ENO1: variants seen among roughly 807,000 people sequenced by gnomAD.
ENO1 encodes enolase 1.
In ENO1, 33 loss-of-function variants were observed where a neutral mutation model predicts 46.3. The ratio of observed to expected loss-of-function variants is 0.71; its 90% CI spans 0.54 to 0.95. ENO1 has a LOEUF of 0.95. ENO1 is among the 40% of genes least tolerant of loss of function. ENO1 has a pLI of 0.00. For synonymous variants in ENO1, 220 were observed against 216.0 expected (o/e 1.02, Z -0.16); for missense variants, 488 against 553.3 (o/e 0.88, Z 1.18).
intron 11 of ENO1, among the ~76,000 whole-genome samples, chr1:8,861,944 G>A (rs1642414465): frequency 6.8e-6 from 1 of 146,880 alleles, no homozygotes; most frequent in Non-Finnish European, 1.5e-5. Flanking sequence ...AGGATCACCC[G>A]AGGTCAGCTT....
intron 4 of ENO1, among the ~76,000 whole-genome samples, chr1:8,868,355 C>A (rs1430241475): frequency 2.0e-5 from 3 of 152,132 alleles, no homozygotes; most frequent in Non-Finnish European, 4.4e-5. Context: ...TGACTTTACA[C>A]CCAAGAGAAC....
chr1:8,867,266 A>G lies in ENO1; in HGVS notation c.311-16T>C, dbSNP rs1240452189. On this transcript the variant is annotated splice_polypyrimidine_tract_variant and intron_variant, in intron 5 of 11. Transcript: ENST00000234590. ...CCAAACTTAGCTAGAACAGAAGAGA[A>G]CCGAGTGGAATGAAGTCATTTCTGA... 4 of 1,613,298 alleles carry G rather than the reference A, an allele frequency of 2.5e-6. No homozygotes were observed. The highest frequency in any genetic ancestry group is 2.5e-6 in the Non-Finnish European group (3 of 1,179,348).
chr1:8,876,313 A>AAGTTTTAT (rs1642731428), intron 1 of ENO1: 1 of 152,208 alleles, frequency 6.6e-6, no homozygotes, highest in Admixed American at 6.5e-5. Flanking sequence ...CTATGTAACA[A>AAGTTTTAT]TGGAGTTTTA....
rs373651010 is a variant in ENO1 at position 8,861,039 on chromosome 1, A to C, written c.*321T>G. ...ACTGAGGCTTTTTATTTTGAGCACA[A>C]AACCACCGGGGATCTAGCCTGTGGC... On this transcript the variant is annotated 3_prime_UTR_variant, in exon 12 of 12. Transcript: ENST00000234590. The C allele has an allele frequency of 2.5e-5, 7 of 282,640 alleles. No homozygotes were observed. The highest frequency in any genetic ancestry group is 2.1e-4 in the East Asian group (3 of 14,354). The allele number at this position is 282,640 out of a possible 1,614,324, so 17.5% of individuals were successfully genotyped here. A position where few individuals can be genotyped will look rare whatever the true frequency, so the allele number is the denominator to read the frequency against.
intron 7 of ENO1, 71 bp downstream of exon 7, chr1:8,866,208 T>G (rs1569901426): frequency 4.4e-6 from 6 of 1,369,590 alleles, no homozygotes. Context: ...GTGGCAGGTG[T>G]GGACGACCCC....
intron 5 of ENO1, among the ~76,000 whole-genome samples, chr1:8,867,623 T>C (rs1306866603): frequency 1.3e-5 from 2 of 152,170 alleles, no homozygotes; most frequent in African/African-American, 4.8e-5. Context: ...CGGCAGGATC[T>C]TGGCTTACTG....
In ENO1 at chr1:8,877,876, C is replaced by CAAAAAAA. The variant is rs34081530; in HGVS notation, c.-10+697_-10+703dup. The CAAAAAAA allele has an allele frequency of 2.0e-3, 290 of 141,510 alleles. 1 individual carries two copies. The highest frequency in any genetic ancestry group is 5.6e-3 in the African/African-American group (212 of 38,156). The allele number at this position is 141,510 out of a possible 1,614,324, so 8.8% of individuals were successfully genotyped here. A position where few individuals can be genotyped will look rare whatever the true frequency, so the allele number is the denominator to read the frequency against. On this transcript the variant is annotated intron_variant, in intron 1 of 11. Coordinates refer to ENST00000234590, the MANE Select transcript of ENO1 (RefSeq NM_001428.5). ...CAGCCTGGGCAACAATAGCAAAACTCAAAAAAAAAAAAAAACCAAATCAGA... is the reference window on the plus strand; with the variant it reads ...CAGCCTGGGCAACAATAGCAAAACTCAAAAAAAAAAAAAAAAAAAAAACCAAATCAGA...
At chr1:8,869,911 A>G (rs565051064) in intron 4 of ENO1, among the ~76,000 whole-genome samples, 15 of 152,306 alleles carry the variant, frequency 9.8e-5, no homozygotes, top group Admixed American at 6.5e-4. Flanking sequence ...GATGAGCGCC[A>G]CAGGAATTAC....
Position 8,870,521 on chromosome 1 carries a change from C to T in ENO1, c.182-11G>A, listed in dbSNP as rs767883418. ...CAGCCTTTGAGACACCTGGAAGGAA[C>T]AATCAAATCAAATTACTGACATTAA... is the stretch of plus-strand genomic sequence containing the variant. On this transcript the variant is annotated splice_polypyrimidine_tract_variant and intron_variant, in intron 3 of 11. Transcript: ENST00000234590. The T allele has an allele frequency of 3.1e-6, 5 of 1,614,112 alleles. No individual in the cohort carries two copies. Among genetic ancestry groups the T allele is most frequent in the Non-Finnish European group, 3.4e-6 (4 of 1,180,010 alleles).
At chr1:8,876,415 G>C (rs1642733256) in intron 1 of ENO1, 2 of 152,064 alleles carry the variant, frequency 1.3e-5, no homozygotes, top group East Asian at 1.9e-4. Flanking sequence ...TTGCGTTTTG[G>C]CAAATTATAT....
chr1:8,873,292 C>T (rs1177022687), intron 2 of ENO1, among the ~76,000 whole-genome samples: 1 of 152,192 alleles, frequency 6.6e-6, no homozygotes, highest in Non-Finnish European at 1.5e-5. Flanking sequence ...TCTGCACCTT[C>T]CGCCTGCTTC....
chr1:8,871,500 C>T, intron 3 of ENO1: 1 of 1,025,358 alleles, frequency 9.8e-7, no homozygotes, highest in Non-Finnish European at 1.2e-6. Context: ...TGGATCCTTT[C>T]TAGCCCGTGA....
At position 8,878,628 on chromosome 1, in the gene ENO1, G is replaced by A. The variant is rs879377814; in HGVS notation, c.-58C>T. On this transcript the variant is annotated 5_prime_UTR_variant, in exon 1 of 12. Transcript: ENST00000234590. ...AGGAGAGGAAGCGGAGGGTGCTGCA[G>A]ACACCGAGGTGAACGTAAAGCCGGC... is the stretch of plus-strand genomic sequence containing the variant. 13 of 455,958 alleles carry A rather than the reference G, an allele frequency of 2.9e-5. No individual in the cohort carries two copies. The highest frequency in any genetic ancestry group is 9.4e-5 in the Admixed American group (4 of 42,560). 28.2% of individuals were successfully genotyped at this position (455,958 alleles called of 1,614,324 possible). A position where few individuals can be genotyped will look rare whatever the true frequency, so the allele number is the denominator to read the frequency against.
chr1:8,868,676 CTTTTTAAT>C lies in ENO1; in HGVS notation c.241-627_241-620del, dbSNP rs1286165415. Among the ~76,000 whole-genome samples, 89 of 152,224 alleles carry C rather than the reference CTTTTTAAT, an allele frequency of 5.8e-4. 1 individual carries two copies. Among genetic ancestry groups the C allele is most frequent in the African/African-American group, 1.9e-3 (80 of 41,550 alleles). On this transcript the variant is annotated intron_variant, in intron 4 of 11. Transcript: ENST00000234590. The stretch of plus-strand genomic sequence containing the variant: ...AGTAATCCAATAAAAATCAGTATTA[CTTTTTAAT>C]TTTTTAATTTTTATTTTTTAAGACA...
intron 3 of ENO1, chr1:8,871,489 C>T (rs1435544370): frequency 2.0e-6 from 2 of 1,014,878 alleles, no homozygotes; most frequent in East Asian, 9.8e-5. Context: ...TAGACCTTCC[C>T]TGGATCCTTT....
chr1:8,862,126 C>T (rs751793964), intron 11 of ENO1, among the ~76,000 whole-genome samples: 16 of 151,634 alleles, frequency 1.1e-4, no homozygotes, highest in African/African-American at 2.2e-4. Flanking sequence ...CCAGCCTGGG[C>T]GACAGAGTGA....
At position 8,868,044 on chromosome 1, in the gene ENO1, G is replaced by A; in HGVS notation, c.254C>T (p.Thr85Ile). ...CAGTTTGTCAATCTTCTCTTGTTCT[G>A]TGACGTTCAGTTTCTACGAGGGAGA... is the stretch of plus-strand genomic sequence containing the variant. ...PALVSKKLNV[T>I]EQEKIDKLMI... Residue 85 changes from threonine to isoleucine, a missense_variant, in exon 5 of 12, where the codon ACA becomes ATA. Thr to Ile is a moderately conservative substitution (Grantham distance 89). Transcript: ENST00000234590. 2 of 1,613,918 alleles carry A rather than the reference G, an allele frequency of 1.2e-6. No individual in the cohort carries two copies. The highest frequency in any genetic ancestry group is 1.7e-6 in the Non-Finnish European group (2 of 1,179,872).
At position 8,870,418 on chromosome 1, in the gene ENO1, T is replaced by C. The variant is rs191061261; in HGVS notation, c.240+34A>G. On this transcript the variant is annotated intron_variant, in intron 4 of 11. Transcript: ENST00000234590. ...GGGCCTGGGAGACGCTCTGGTGGCA[T>C]TAGACACATTAGTTATCAGGAGGCA... The C allele has an allele frequency of 4.3e-5, 70 of 1,614,014 alleles. No homozygotes were observed. The East Asian group carries it at 1.5e-3, about 34-fold the overall frequency.
At chr1:8,866,813 A>G (rs1436793281) in intron 6 of ENO1, among the ~76,000 whole-genome samples, 2 of 152,194 alleles carry the variant, frequency 1.3e-5, no homozygotes, top group African/African-American at 2.4e-5. Flanking sequence ...AGTTCACGCC[A>G]GGTCTATTTT....
Sources: gnomAD v4.1 joint callset for allele counts (sites outside exome capture counted in the v4.1 genomes callset) on GRCh38, gnomAD v4.1.1 for gene constraint, MANE v1.5 for transcripts, NCBI Gene and HGNC (gene_info 2026-07-23, HGNC 2026-07-21) for gene names.